The following EFTUD2 variants were observed in gnomAD, a reference collection of about 807,000 sequenced individuals.
EFTUD2 encodes the protein elongation factor Tu GTP binding domain containing 2.
EFTUD2 carries 9 observed loss-of-function variants against 114.3 expected under a neutral mutation model. The ratio of observed to expected loss-of-function variants is 0.08; its 90% confidence interval spans 0.05 to 0.14. The LOEUF (loss-of-function observed/expected upper bound fraction) is 0.14. EFTUD2 is among the 10% of genes least tolerant of loss of function. EFTUD2 has a pLI of 1.00. For missense variants in EFTUD2, 765 were observed against 1,241.2 expected (o/e 0.62, Z 5.76); for synonymous variants, 449 against 462.3 (o/e 0.97, Z 0.37).
At chr17:44,894,300 G>A in intron 2 of EFTUD2, 117 bp downstream of exon 2, 1 of 795,182 alleles carries the variant, frequency 1.3e-6, no homozygotes, top group Non-Finnish European at 2.1e-6. Context: ...AGCCCAGGAG[G>A]TGGAGGTTGC....
intron 2 of EFTUD2, among the ~76,000 whole-genome samples, chr17:44,893,216 G>A (rs550331098): frequency 2.9e-4 from 44 of 151,548 alleles, no homozygotes; most frequent in Non-Finnish European, 5.7e-4. Flanking sequence ...TCCGCCTCCC[G>A]TGTTCAAGTG....
chr17:44,880,137 G>C (rs2051044794), intron 8 of EFTUD2, among the ~76,000 whole-genome samples: 1 of 152,120 alleles, frequency 6.6e-6, no homozygotes, highest in South Asian at 2.1e-4. Flanking sequence ...GCCCCAGTTG[G>C]TCCTTTCCAT....
At position 44,859,176 on chromosome 17, in the gene EFTUD2, C is replaced by A; in HGVS notation, c.1866G>T (p.Glu622Asp). 3.1e-6 allele frequency: 5 copies of A among 1,612,206 alleles called. No individual in the cohort carries two copies. In the South Asian group the frequency reaches 5.5e-5, roughly 18 times the overall value. ...CCAGGATCACATGCTCGCCAGACTC[C>A]TCCACCTGAAACACAACAGGCAGTC... ...KSYPSLTTKVEESGEHVILGT... is the reference protein window; with the variant it reads ...KSYPSLTTKVDESGEHVILGT... Residue 622 changes from glutamate (E) to aspartate (D), a missense_variant, in exon 19 of 28, where the codon GAG becomes GAT. Physicochemically the swap from Glu to Asp is conservative, Grantham distance 45. Transcript: ENST00000426333.
chr17:44,872,259 A>T (rs2050868782), intron 11 of EFTUD2, among the ~76,000 whole-genome samples, 187 bp downstream of exon 11: 1 of 152,132 alleles, frequency 6.6e-6, no homozygotes, highest in South Asian at 2.1e-4. Flanking sequence ...TTTTTCTATT[A>T]TTTAGAAACC....
At chr17:44,859,849 TG>T in intron 18 of EFTUD2, 55 bp downstream of exon 18, 1 of 1,611,500 alleles carries the variant, frequency 6.2e-7, no homozygotes, top group Non-Finnish European at 8.5e-7. Flanking sequence ...TGTGCAGCTC[TG>T]CCCATTCAGC....
intron 8 of EFTUD2, 40 bp from the exon 9 acceptor site, chr17:44,879,678 G>A (rs376152564): frequency 3.1e-6 from 5 of 1,601,126 alleles, no homozygotes; most frequent in Non-Finnish European, 4.3e-6. Flanking sequence ...CTTGGTGCAG[G>A]ATAAAGCACA....
chr17:44,854,620 A>T lies in EFTUD2; in HGVS notation c.2195T>A (p.Ile732Asn). The T allele has an allele frequency of 6.2e-7, 1 of 1,614,216 alleles. No homozygotes were observed. The highest frequency in any genetic ancestry group is 8.5e-7 in the Non-Finnish European group (1 of 1,180,044). Residue 732 changes from isoleucine to asparagine, a missense_variant, in exon 22 of 28, where the codon ATC becomes AAC. By Grantham distance (149) the Ile-to-Asn change is moderately radical. Transcript: ENST00000426333. This position sits in a 1 kb window ranked among gnomAD's most constrained non-coding sequence, Gnocchi z 4.3. ...YDWDLLAARS[I>N]WAFGPDATGP... ...AGTCGCATCAGGGCCAAAAGCCCAG[A>T]TGGAACGGGCAGCCAGCAGATCCCA...
intron 17 of EFTUD2, 51 bp from the exon 18 acceptor site, chr17:44,860,096 GA>G: frequency 1.2e-6 from 2 of 1,613,552 alleles, no homozygotes; most frequent in Non-Finnish European, 1.7e-6. Context: ...AGCAGGCACA[GA>G]AAGTGCAGAG....
At chr17:44,853,022 A>T (rs2050483465) in intron 25 of EFTUD2, among the ~76,000 whole-genome samples, 1 of 152,138 alleles carries the variant, frequency 6.6e-6, no homozygotes, top group South Asian at 2.1e-4. Flanking sequence ...CTGGGACTAC[A>T]GGCACCCGCC....
intron 16 of EFTUD2, among the ~76,000 whole-genome samples, chr17:44,862,397 T>C (rs1219383580): frequency 1.3e-5 from 2 of 152,128 alleles, no homozygotes; most frequent in African/African-American, 4.8e-5. Flanking sequence ...ATTGTGCCAC[T>C]GCACTCTGGC....
At chr17:44,890,654 T>C (rs2051263225) in intron 2 of EFTUD2, among the ~76,000 whole-genome samples, 1 of 151,998 alleles carries the variant, frequency 6.6e-6, no homozygotes, top group Non-Finnish European at 1.5e-5. Context: ...ATCATGCCAT[T>C]GCACTCCAGC....
At chr17:44,890,638 G>GC (rs201346729) in intron 2 of EFTUD2, among the ~76,000 whole-genome samples, 20,120 of 151,948 alleles carry the variant, frequency 0.13, 1,444 homozygotes, top group Middle Eastern at 0.17. Flanking sequence ...GTTACAGTGA[G>GC]CCGAGATCAT....
chr17:44,898,500 G>A (rs111310819), intron 1 of EFTUD2, among the ~76,000 whole-genome samples: 59 of 152,316 alleles, frequency 3.9e-4, no homozygotes, highest in African/African-American at 1.3e-3. Flanking sequence ...GATTACAGGC[G>A]TGAGCCACCG....
rs184671110 is a variant in EFTUD2, at chr17:44,893,844, T to A, written c.105+573A>T. Among the ~76,000 whole-genome samples the A allele has an allele frequency of 4.1e-5, 6 of 147,940 alleles. No individual in the cohort carries two copies. The East Asian group carries it at 1.3e-3, about 31-fold the overall frequency. On this transcript the variant is annotated intron_variant, in intron 2 of 27. Coordinates refer to ENST00000426333, the MANE Select transcript of EFTUD2 (RefSeq NM_004247.4). ...TCTTTGGGAGGCCAAGGCAGGTGGA[T>A]TGCTTGAAGTCAGGACTTCAAGACC...
chr17:44,852,985 A>G (rs1248502095), intron 25 of EFTUD2, among the ~76,000 whole-genome samples: 1 of 151,198 alleles, frequency 6.6e-6, no homozygotes, highest in East Asian at 1.9e-4. Flanking sequence ...GGTTCACGCC[A>G]TTCTCCTGAC....
intron 9 of EFTUD2, among the ~76,000 whole-genome samples, chr17:44,876,866 A>AAAAC (rs1452662197): frequency 2.7e-5 from 4 of 149,884 alleles, no homozygotes; most frequent in African/African-American, 9.8e-5. Flanking sequence ...AAAAAAAAAA[A>AAAAC]AAAAAAAAAA....
chr17:44,883,078 A>G lies in EFTUD2; in HGVS notation c.492+15T>C, dbSNP rs764096191. On this transcript the variant is annotated intron_variant, in intron 6 of 27. Coordinates refer to ENST00000426333, the MANE Select transcript of EFTUD2 (RefSeq NM_004247.4). Reference sequence around the variant, plus strand: ...GAATGGTTCATCCTAAACCCTCAACAGAAGTTCTACTTACATCTTGGTCAT... The same window carrying G: ...GAATGGTTCATCCTAAACCCTCAACGGAAGTTCTACTTACATCTTGGTCAT... 7 of 1,614,002 alleles carry G rather than the reference A, an allele frequency of 4.3e-6. No individual in the cohort carries two copies. In the South Asian group the frequency reaches 6.6e-5, roughly 15 times the overall value.
intron 18 of EFTUD2, 82 bp from the exon 19 acceptor site, chr17:44,859,263 C>T (rs2050612609): frequency 1.0e-6 from 1 of 972,602 alleles, no homozygotes; most frequent in African/African-American, 1.6e-5. Flanking sequence ...CCAGAGCAGA[C>T]AAGAAGTTGC....
At chr17:44,881,771 C>A in intron 6 of EFTUD2, 49 bp from the exon 7 acceptor site, 1 of 1,571,618 alleles carries the variant, frequency 6.4e-7, no homozygotes, top group South Asian at 1.1e-5. Flanking sequence ...ACTGCTCTCC[C>A]ACAAACGAAC....
Sources: gnomAD v4.1 joint callset for allele counts (sites outside exome capture counted in the v4.1 genomes callset) on GRCh38, gnomAD v4.1.1 for gene constraint, Gnocchi (gnomAD v3.1) non-coding constraint, MANE v1.5 for transcripts, NCBI Gene and HGNC (gene_info 2026-07-23, HGNC 2026-07-21) for gene names.